The following ZFR variants were observed in gnomAD, a reference collection of about 807,000 sequenced individuals.
The protein encoded by ZFR is zinc finger RNA-binding protein.
In ZFR, 19 loss-of-function variants were observed where a neutral mutation model predicts 130.7. That is an observed-to-expected ratio of 0.15 (90% CI 0.10 to 0.21). The LOEUF is 0.21. ZFR is among the 10% of genes least tolerant of loss of function. ZFR has a pLI of 1.00. For synonymous variants in ZFR, 466 were observed against 456.9 expected (o/e 1.02, Z -0.25); for missense variants, 872 against 1,321.5 (o/e 0.66, Z 5.27).
At chr5:32,367,441 T>A (rs1388919365) in intron 17 of ZFR, among the ~76,000 whole-genome samples, 1 of 129,164 alleles carries the variant, frequency 7.7e-6, no homozygotes, top group African/African-American at 3.0e-5. Flanking sequence ...ATCTCAAAAA[T>A]AATAAATAAA....
At chr5:32,370,343 G>GGC (rs1752641863) in intron 17 of ZFR, among the ~76,000 whole-genome samples, 2 of 1,352 alleles carry the variant, frequency 1.5e-3, no homozygotes, top group East Asian at 0.016. Flanking sequence ...GAGAGAGAGA[G>GGC]AGAGAGAGAG....
intron 17 of ZFR, among the ~76,000 whole-genome samples, chr5:32,368,135 C>T (rs916016243): frequency 1.2e-4 from 18 of 148,576 alleles, no homozygotes; most frequent in African/African-American, 4.7e-4. Flanking sequence ...ACAAATAAAA[C>T]AAAGCCACCT....
At chr5:32,377,214 T>TC (rs1554071247) in intron 17 of ZFR, among the ~76,000 whole-genome samples, 2 of 147,420 alleles carry the variant, frequency 1.4e-5, no homozygotes, top group Non-Finnish European at 3.0e-5. Flanking sequence ...TTATTTCTCT[T>TC]TCTCTCTCTC....
rs1753411690 is a variant in ZFR at position 32,400,102 on chromosome 5, C to T, written c.1618G>A (p.Val540Ile). 6.2e-7 allele frequency: 1 copy of T among 1,613,576 alleles called. No individual in the cohort carries two copies. Among genetic ancestry groups the T allele is most frequent in the Non-Finnish European group, 8.5e-7 (1 of 1,179,714 alleles). Residue 540 changes from valine (V) to isoleucine (I), a missense_variant, in exon 9 of 20, where the codon GTA becomes ATA. By Grantham distance (29) the Val-to-Ile change is conservative. This residue lies in a region of ZFR where 54 missense variants were observed against 119.9 expected (regional missense o/e 0.45). Transcript: ENST00000265069. ...GGTTCTGACACTGTGTCTTGCTTTA[C>T]TTCAGGAATCTGCACAGCAGAAGTG... is the stretch of plus-strand genomic sequence containing the variant. ...PVTSAVQIPE[V>I]KQDTVSEPVT...
At chr5:32,411,433 A>T (rs1411340422) in intron 5 of ZFR, among the ~76,000 whole-genome samples, 1 of 152,068 alleles carries the variant, frequency 6.6e-6, no homozygotes, top group Non-Finnish European at 1.5e-5. Context: ...TCATGCCTGT[A>T]ATCTCAGCAC....
At chr5:32,382,519 T>C (rs893421199) in intron 15 of ZFR, among the ~76,000 whole-genome samples, 1 of 152,088 alleles carries the variant, frequency 6.6e-6, no homozygotes, top group Non-Finnish European at 1.5e-5. Context: ...TTTCCTCCGA[T>C]ATGCAAGAAA....
chr5:32,366,405 G>A (rs889830427), intron 17 of ZFR, among the ~76,000 whole-genome samples: 1 of 152,164 alleles, frequency 6.6e-6, no homozygotes, highest in African/African-American at 2.4e-5. Context: ...TTCAAAATCT[G>A]TTTATTGATT....
intron 5 of ZFR, among the ~76,000 whole-genome samples, chr5:32,413,211 CAAAACAA>C (rs1473691740): frequency 7.3e-5 from 11 of 150,386 alleles, no homozygotes; most frequent in African/African-American, 9.8e-5. Flanking sequence ...CAAAACAAAA[CAAAACAA>C]AAAACAAAAC....
intron 6 of ZFR, among the ~76,000 whole-genome samples, chr5:32,405,534 T>A (rs1473528858): frequency 6.6e-6 from 1 of 152,200 alleles, no homozygotes; most frequent in African/African-American, 2.4e-5. Flanking sequence ...GCTGTTAATC[T>A]ATCACCCAAG....
intron 17 of ZFR, among the ~76,000 whole-genome samples, chr5:32,372,057 T>TA (rs1752678236): frequency 6.6e-6 from 1 of 152,106 alleles, no homozygotes; most frequent in Non-Finnish European, 1.5e-5. Context: ...GGGGTGGCAA[T>TA]AAAATCCATC....
In ZFR at chr5:32,417,779, T is replaced by C; in HGVS notation, c.434A>G (p.Tyr145Cys). 6.2e-7 allele frequency: 1 copy of C among 1,613,752 alleles called. No individual in the cohort carries two copies. Among genetic ancestry groups the C allele is most frequent in the Non-Finnish European group, 8.5e-7 (1 of 1,179,824 alleles). The change falls in exon 4 of 20, where the codon TAT becomes TGT. Residue 145 changes from tyrosine (Y) to cysteine (C), a missense_variant. By Grantham distance (194) the Tyr-to-Cys change is radical. Coordinates refer to ENST00000265069, the MANE Select transcript of ZFR (RefSeq NM_016107.5). ...TACAGCAGGAGCTGTGGACCTTACA[T>C]ATGAGTATGAATCCTAAAGAAAAGG... The part of the protein sequence containing the change: ...TTQNYQDSYS[Y>C]VRSTAPAVAY...
chr5:32,381,569 C>T (rs1269534200), intron 15 of ZFR, among the ~76,000 whole-genome samples: 1 of 152,056 alleles, frequency 6.6e-6, no homozygotes, highest in Admixed American at 6.6e-5. Flanking sequence ...AGTTAATTAT[C>T]TTAAGAGTAC....
At chr5:32,409,362 C>CTA (rs1753647958) in intron 5 of ZFR, among the ~76,000 whole-genome samples, 1 of 152,010 alleles carries the variant, frequency 6.6e-6, no homozygotes, top group Non-Finnish European at 1.5e-5. Flanking sequence ...CATGTAAGTG[C>CTA]TATATAAATG....
At chr5:32,399,964 C>T (rs756290671) in intron 9 of ZFR, 43 bp downstream of exon 9, 4 of 1,524,090 alleles carry the variant, frequency 2.6e-6, no homozygotes, top group Non-Finnish European at 3.5e-6. Flanking sequence ...GCACTTCTTC[C>T]CTTTATCCAA....
intron 17 of ZFR, among the ~76,000 whole-genome samples, chr5:32,370,089 A>AT (rs933446377): frequency 0.12 from 15,131 of 121,890 alleles, 1,271 homozygotes; most frequent in African/African-American, 0.15. Context: ...ACAGTGGCAG[A>AT]TTTTTTTTTT....
chr5:32,430,842 A>G (rs1561923249), intron 2 of ZFR, among the ~76,000 whole-genome samples: 1 of 152,188 alleles, frequency 6.6e-6, no homozygotes, highest in Non-Finnish European at 1.5e-5. Context: ...TTGGGAGGCT[A>G]TTGCAGGCAG....
intron 2 of ZFR, among the ~76,000 whole-genome samples, chr5:32,422,375 G>C (rs75218703): frequency 0.017 from 2,587 of 152,224 alleles, 38 homozygotes; most frequent in Non-Finnish European, 0.026. Context: ...CCCAGGAAAA[G>C]ATGAAATATG....
At chr5:32,383,088 A>G (rs1752966942) in intron 15 of ZFR, among the ~76,000 whole-genome samples, 1 of 152,228 alleles carries the variant, frequency 6.6e-6, no homozygotes, top group Non-Finnish European at 1.5e-5. Context: ...ATTCAAATTA[A>G]CATGGTCATG....
chr5:32,380,208 A>C, intron 15 of ZFR, 36 bp from the exon 16 acceptor site: 1 of 1,547,882 alleles, frequency 6.5e-7, no homozygotes, highest in Non-Finnish European at 8.9e-7. Context: ...GCAGTGAGGA[A>C]TGGGTGTTTG....
Sources: gnomAD v4.1 joint callset for allele counts (sites outside exome capture counted in the v4.1 genomes callset) on GRCh38, gnomAD v4.1.1 for gene constraint, gnomAD v4.1.1 regional missense constraint, MANE v1.5 for transcripts, NCBI Gene and HGNC (gene_info 2026-07-23, HGNC 2026-07-21) for gene names.